ZNF208: variants seen among roughly 807,000 people sequenced by gnomAD.
ZNF208 encodes zinc finger protein 208.
Under a neutral mutation model 12.1 loss-of-function variants are expected in ZNF208, and 10 were observed. That is an observed-to-expected ratio of 0.83 (90% CI 0.51 to 1.40). The LOEUF is 1.40. Among genes scored for constraint, ZNF208 ranks in the 40% most tolerant of loss-of-function variants. ZNF208 has a pLI of 0.00. For synonymous variants in ZNF208, 497 were observed against 488.4 expected (o/e 1.02, Z -0.23); for missense variants, 1,652 against 1,485.0 (o/e 1.11, Z -1.85).
chr19:21,959,059 G>A (rs954130449), intron 4 of ZNF208, among the ~76,000 whole-genome samples: 1 of 151,812 alleles, frequency 6.6e-6, no homozygotes, highest in Admixed American at 6.6e-5. Flanking sequence ...TCCACCCTGG[G>A]TGACAGAGAC....
In ZNF208 at chr19:21,974,111, G is replaced by A. The variant is rs1296299264; in HGVS notation, c.923C>T (p.Ala308Val). The A allele has an allele frequency of 6.3e-7, 1 of 1,578,878 alleles. No individual in the cohort carries two copies. The highest frequency in any genetic ancestry group is 8.6e-7 in the Non-Finnish European group (1 of 1,161,100). Reference protein sequence around the residue: ...STLTTHKAIHAGEKPYKCKEC... With the variant: ...STLTTHKAIHVGEKPYKCKEC... ...TTTACATTTGTAGGGCTTCTCTCCA[G>A]CATGAATTGCCTTATGTGTAGTAAG... Residue 308 changes from alanine (A) to valine (V), a missense_variant, in exon 4 of 4, where the codon GCT becomes GTT. By Grantham distance (64) the Ala-to-Val change is moderately conservative. Coordinates refer to ENST00000397126, the MANE Select transcript of ZNF208 (RefSeq NM_007153.3).
rs1433618735 is a variant in ZNF208, at chr19:21,966,950, A to T, written c.*4241T>A. The T allele has an allele frequency of 1.3e-5, 2 of 152,150 alleles. No individual in the cohort carries two copies. The highest frequency in any genetic ancestry group is 4.8e-5 in the African/African-American group (2 of 41,438). The allele number at this position is 152,150 out of a possible 1,614,324, so 9.4% of individuals were successfully genotyped here. A position where few individuals can be genotyped will look rare whatever the true frequency, so the allele number is the denominator to read the frequency against. On this transcript the variant is annotated 3_prime_UTR_variant, in exon 4 of 4. Transcript: ENST00000397126. ...TCATGTTTGCTTTTTTATTAAATGT[A>T]TTATAGATTCTGTACATTAATCCTT...
chr19:21,995,203 TG>T (rs1970812443), intron 1 of ZNF208, among the ~76,000 whole-genome samples: 1 of 152,150 alleles, frequency 6.6e-6, no homozygotes, highest in Admixed American at 6.6e-5. Context: ...CCACCCATCT[TG>T]GCTTCCCAAA....
chr19:22,000,250 A>G (rs145043748), intron 1 of ZNF208, among the ~76,000 whole-genome samples: 467 of 152,328 alleles, frequency 3.1e-3, no homozygotes, highest in African/African-American at 9.8e-3. Flanking sequence ...AAATACCGTA[A>G]TATATGTTCT....
intron 1 of ZNF208, among the ~76,000 whole-genome samples, chr19:22,001,965 C>G (rs907946388): frequency 7.0e-6 from 1 of 142,426 alleles, no homozygotes; most frequent in Non-Finnish European, 1.5e-5. Context: ...TACTGGCAAA[C>G]CAAATCCAGC....
rs1356597675 is a variant in ZNF208 at position 21,967,782 on chromosome 19, A to C, written c.*3409T>G. ...ATAGTTTTCTTTTTCTAATTCAATA[A>C]AAATCGTCATGGATAGTCTGATAAA... On this transcript the variant is annotated 3_prime_UTR_variant, in exon 4 of 4. Transcript: ENST00000397126. The C allele has an allele frequency of 6.6e-6, 1 of 152,158 alleles. No homozygotes were observed. Among genetic ancestry groups the C allele is most frequent in the African/African-American group, 2.4e-5 (1 of 41,456 alleles). The allele number at this position is 152,158 out of a possible 1,614,324, so 9.4% of individuals were successfully genotyped here.
At chr19:21,952,572 A>C (rs1472944822) in intron 4 of ZNF208, among the ~76,000 whole-genome samples, 2 of 152,346 alleles carry the variant, frequency 1.3e-5, no homozygotes, top group East Asian at 3.9e-4. Flanking sequence ...ACAAACCTGA[A>C]GCTGAGAGAC....
At chr19:21,953,460 C>G (rs779177949) in intron 4 of ZNF208, among the ~76,000 whole-genome samples, 35 of 151,938 alleles carry the variant, frequency 2.3e-4, no homozygotes, top group Non-Finnish European at 4.6e-4. Flanking sequence ...AACAGTGGCT[C>G]TCTCAGCAGA....
chr19:22,001,855 T>C (rs535967907), intron 1 of ZNF208, among the ~76,000 whole-genome samples: 12 of 117,990 alleles, frequency 1.0e-4, no homozygotes, highest in Admixed American at 9.8e-4. Flanking sequence ...ATTGCACCAC[T>C]ACACTCCAGC....
At chr19:21,949,308 A>T (rs1254644176) in intron 4 of ZNF208, among the ~76,000 whole-genome samples, 1 of 152,216 alleles carries the variant, frequency 6.6e-6, no homozygotes, top group Non-Finnish European at 1.5e-5. Context: ...TCCTCAATTT[A>T]TTAGCTGAAA....
chr19:21,962,201 T>C (rs1171248252), downstream of ZNF208, among the ~76,000 whole-genome samples: 1 of 152,132 alleles, frequency 6.6e-6, no homozygotes, highest in Non-Finnish European at 1.5e-5. Context: ...GGTCCCTCCA[T>C]TTGGGGTCCT....
chr19:21,963,700 T>C (rs185389589), downstream of ZNF208, among the ~76,000 whole-genome samples: 1 of 152,174 alleles, frequency 6.6e-6, no homozygotes, highest in Non-Finnish European at 1.5e-5. Context: ...CCTTTAGTTT[T>C]ATACACTTAT....
At chr19:21,983,423 C>T (rs919542559) in intron 3 of ZNF208, among the ~76,000 whole-genome samples, 4 of 152,064 alleles carry the variant, frequency 2.6e-5, no homozygotes, top group Admixed American at 2.0e-4. Context: ...ATTAGTTCAG[C>T]CATTGTGGAA....
chr19:21,953,192 G>C (rs10407563), intron 4 of ZNF208, among the ~76,000 whole-genome samples: 7,262 of 152,260 alleles, frequency 0.048, 475 homozygotes, highest in African/African-American at 0.15. Flanking sequence ...CATTTGATAC[G>C]TGTACCTGAA....
At chr19:21,962,358 T>C (rs1475264078), downstream of ZNF208, among the ~76,000 whole-genome samples, 1 of 152,170 alleles carries the variant, frequency 6.6e-6, no homozygotes, top group African/African-American at 2.4e-5. Flanking sequence ...TCAACTTATA[T>C]TAACTGTGAG....
chr19:21,949,827 A>T (rs751993781), intron 4 of ZNF208, among the ~76,000 whole-genome samples: 3 of 152,202 alleles, frequency 2.0e-5, no homozygotes, highest in Non-Finnish European at 2.9e-5. Flanking sequence ...GCTTGCTGGT[A>T]TCAAAGGCCA....
In ZNF208 at chr19:21,974,481, G is replaced by C. The variant is rs372489570; in HGVS notation, c.553C>G (p.Leu185Val). Residue 185 changes from leucine (L) to valine (V), a missense_variant, in exon 4 of 4, where the codon CTT (leucine) becomes GTT (valine). Around this residue, in one of 3 missense-constraint regions of ZNF208, gnomAD observed 410 missense variants for 378.2 expected, o/e 1.08. Coordinates refer to ENST00000397126, the MANE Select transcript of ZNF208 (RefSeq NM_007153.3). ...CKEYVRSFCM[L>V]SHLSQHKRIY... ...CTTTTATGTTGAGATAGGTGTGAAA[G>C]CATGCAAAATGATCTGACGTATTCT... 4 of 1,613,548 alleles carry C rather than the reference G, an allele frequency of 2.5e-6. No individual in the cohort carries two copies. The African/African-American group carries it at 4.0e-5, about 16-fold the overall frequency.
In ZNF208 at chr19:21,971,307, G is replaced by C; in HGVS notation, c.3727C>G (p.His1243Asp). The part of the protein sequence containing the change: ...AFSTFSILTK[H>D]KVIHTGEKPY... ...TTCTCTCCAGTATGAATTACCTTATGTTTAGTGAGGATTGAGAACGTACTA... is the reference window on the plus strand; with the variant it reads ...TTCTCTCCAGTATGAATTACCTTATCTTTAGTGAGGATTGAGAACGTACTA... The change falls in exon 4 of 4, where the codon CAT becomes GAT. Residue 1243 changes from histidine (H) to aspartate (D), a missense_variant. His to Asp is a moderately conservative substitution (Grantham distance 81, BLOSUM62 -1). This residue lies in a region of ZNF208 where 1,239 missense variants were observed against 1,086.2 expected (regional missense o/e 1.14). Coordinates refer to ENST00000397126, the MANE Select transcript of ZNF208 (RefSeq NM_007153.3). 6.2e-7 allele frequency: 1 copy of C among 1,611,786 alleles called. No homozygotes were observed. Among genetic ancestry groups the C allele is most frequent in the Non-Finnish European group, 8.5e-7 (1 of 1,179,914 alleles).
chr19:21,940,448 T>C (rs769696967), intron 4 of ZNF208: 1 of 152,148 alleles, frequency 6.6e-6, no homozygotes, highest in Non-Finnish European at 1.5e-5. Flanking sequence ...CATTAAAAAA[T>C]TAAATTGCCA....
Sources: allele counts gnomAD v4.1 joint callset (sites outside exome capture counted in the v4.1 genomes callset), GRCh38; gene constraint gnomAD v4.1.1; regional missense constraint gnomAD v4.1.1; transcripts MANE v1.5; gene names NCBI Gene and HGNC (gene_info 2026-07-23, HGNC 2026-07-21).